The following EBF4 variants were observed in gnomAD, a reference collection of about 807,000 sequenced individuals.
EBF4 encodes the protein EBF transcription factor 4, also known as transcription factor COE4.
A neutral mutation model predicts 67.1 loss-of-function variants in EBF4; 34 were observed. The observed-to-expected ratio is 0.51, with a 90% CI of 0.39 to 0.67. EBF4 has a LOEUF of 0.67. Among genes scored for constraint, EBF4 ranks in the 30% least tolerant of loss-of-function variants. The pLI is 0.00. For missense variants in EBF4, 837 were observed against 873.3 expected, an observed-to-expected ratio of 0.96 and a Z score of 0.52; for synonymous variants, 387 against 377.7, an observed-to-expected ratio of 1.02 and a Z score of -0.29.
At chr20:2,723,786 T>G (rs1459127724) in intron 6 of EBF4, among the ~76,000 whole-genome samples, 1 of 147,740 alleles carries the variant, frequency 6.8e-6, no homozygotes, top group Non-Finnish European at 1.5e-5. Context: ...AATAAAAATT[T>G]TATATCTTTA....
intron 6 of EBF4, among the ~76,000 whole-genome samples, chr20:2,736,994 A>G (rs1279877313): frequency 2.6e-5 from 4 of 152,218 alleles, no homozygotes; most frequent in East Asian, 3.9e-4. Flanking sequence ...TCACGCTTGT[A>G]ATCCCAGCAC....
intron 6 of EBF4, among the ~76,000 whole-genome samples, chr20:2,713,706 A>T (rs915310301): frequency 1.3e-5 from 2 of 152,180 alleles, no homozygotes; most frequent in Non-Finnish European, 2.9e-5. Flanking sequence ...TTTATTTTTT[A>T]AAAATGGAAG....
chr20:2,713,811 G>T (rs943961913), intron 6 of EBF4, among the ~76,000 whole-genome samples: 1 of 152,168 alleles, frequency 6.6e-6, no homozygotes, highest in Non-Finnish European at 1.5e-5. Context: ...TGAGACAGGG[G>T]TTGAACTGGA....
At chr20:2,700,163 C>T (rs945921769) in intron 1 of EBF4, among the ~76,000 whole-genome samples, 1 of 152,178 alleles carries the variant, frequency 6.6e-6, no homozygotes, top group Admixed American at 6.5e-5. Flanking sequence ...TCCAGAGTTC[C>T]CCGTGGGATG....
In EBF4 at chr20:2,696,489, TAAATA is replaced by T. The variant is rs537313122; in HGVS notation, c.137+2725_137+2729del. On this transcript the variant is annotated intron_variant, in intron 1 of 16. Coordinates refer to ENST00000609451, the Ensembl canonical transcript of EBF4. This position sits in a 1 kb window ranked among gnomAD's most constrained non-coding sequence, Gnocchi z 4.7. ...TGTGCCTCAAAAATAAATAAGTAAATAAATAAAATAAAATAAAATAAAGTGACCAA... is the reference window on the plus strand; with the variant it reads ...TGTGCCTCAAAAATAAATAAGTAAATAAATAAAATAAAATAAAGTGACCAA... 2.0e-3 allele frequency among the ~76,000 whole-genome samples: 306 copies of T among 151,778 alleles called. 5 individuals carry two copies. In the South Asian group the frequency reaches 0.02, roughly 10 times the overall value.
intron 13 of EBF4, 42 bp downstream of exon 13, chr20:2,752,305 C>T (rs149223102): frequency 0.24 from 293,307 of 1,203,254 alleles, 36,226 homozygotes; most frequent in East Asian, 0.35. Flanking sequence ...GGCGCCGCCA[C>T]CGCCCCTCCC....
chr20:2,737,289 A>G (rs1452807602), intron 6 of EBF4, among the ~76,000 whole-genome samples: 6 of 151,086 alleles, frequency 4.0e-5, no homozygotes, highest in East Asian at 1.9e-4. Flanking sequence ...GATTGGGGGA[A>G]GAGGGGGACC....
At chr20:2,748,459 T>G in intron 6 of EBF4, 90 bp from the exon 7 acceptor site, 7 of 1,280,738 alleles carry the variant, frequency 5.5e-6, no homozygotes, top group Non-Finnish European at 7.7e-6. Flanking sequence ...GGACTCATCC[T>G]GTGGGGAGGG....
chr20:2,755,834 C>T lies in EBF4; in HGVS notation c.1738+10C>T. Reference sequence around the variant, plus strand: ...GGAGAGGGGCTTCCAGGTGAGTGATCCACCCTGCCTCACTGTGGCAGGAAG... The same window carrying T: ...GGAGAGGGGCTTCCAGGTGAGTGATTCACCCTGCCTCACTGTGGCAGGAAG... On this transcript the variant is annotated intron_variant, in intron 15 of 16. Transcript: ENST00000609451. The surrounding 1 kb of genome is among the most constrained non-coding windows in gnomAD (Gnocchi z 4.7). 1 of 1,544,438 alleles carries T rather than the reference C, an allele frequency of 6.5e-7. No homozygotes were observed. The highest frequency in any genetic ancestry group is 8.7e-7 in the Non-Finnish European group (1 of 1,146,218).
chr20:2,714,840 C>T (rs1243776911), intron 6 of EBF4, among the ~76,000 whole-genome samples: 1 of 152,040 alleles, frequency 6.6e-6, no homozygotes, highest in Non-Finnish European at 1.5e-5. Flanking sequence ...TTAGAAAGGC[C>T]TTTATCACTC....
At chr20:2,708,220 A>G (rs1344951990) in intron 5 of EBF4, among the ~76,000 whole-genome samples, 200 bp downstream of exon 5, 1 of 152,190 alleles carries the variant, frequency 6.6e-6, no homozygotes, top group East Asian at 1.9e-4. Flanking sequence ...TTGAGGCCCC[A>G]TTAGCCTGGC....
intron 4 of EBF4, among the ~76,000 whole-genome samples, chr20:2,706,644 C>T (rs1600206110): frequency 1.3e-5 from 2 of 152,246 alleles, no homozygotes; most frequent in South Asian, 2.1e-4. Context: ...AGTGTCCCCC[C>T]TCGAAGCAAG....
At chr20:2,724,477 G>A (rs2087723632) in intron 6 of EBF4, among the ~76,000 whole-genome samples, 1 of 152,048 alleles carries the variant, frequency 6.6e-6, no homozygotes, top group South Asian at 2.1e-4. Context: ...AAGATTGGCT[G>A]GTAATAAATT....
chr20:2,724,594 T>A (rs2087725114), intron 6 of EBF4, among the ~76,000 whole-genome samples: 1 of 152,208 alleles, frequency 6.6e-6, no homozygotes, highest in South Asian at 2.1e-4. Context: ...TTGAATATAT[T>A]TCCATTTTTG....
In EBF4 at chr20:2,759,026, C is replaced by G. The variant is rs543520351; in HGVS notation, c.*5+42C>G. ...GTCTGGCCTCCCCCGCCCCACCTGGCCCTGAGATGTGCTTGCTCTCTAAAG... is the reference window on the plus strand; with the variant it reads ...GTCTGGCCTCCCCCGCCCCACCTGGGCCTGAGATGTGCTTGCTCTCTAAAG... On this transcript the variant is annotated intron_variant, in intron 16 of 16. Transcript: ENST00000609451. The G allele has an allele frequency of 3.9e-5, 60 of 1,522,718 alleles. No homozygotes were observed. The South Asian group carries it at 6.0e-4, about 15-fold the overall frequency. The allele number at this position is 1,522,718 out of a possible 1,614,324, so 94.3% of individuals were successfully genotyped here.
intron 8 of EBF4, 30 bp downstream of exon 8, chr20:2,749,548 C>T: frequency 2.0e-6 from 3 of 1,538,034 alleles, no homozygotes; most frequent in African/African-American, 2.8e-5. Context: ...CCCCGGCCGC[C>T]GCGGGCCCAG....
chr20:2,713,212 A>G (rs1194545445), intron 6 of EBF4, among the ~76,000 whole-genome samples: 1 of 152,206 alleles, frequency 6.6e-6, no homozygotes, highest in Non-Finnish European at 1.5e-5. Flanking sequence ...AATATCCTTC[A>G]GGTGGCAAAA....
chr20:2,729,879 C>T (rs991876813), intron 6 of EBF4, among the ~76,000 whole-genome samples: 3 of 152,184 alleles, frequency 2.0e-5, no homozygotes, highest in African/African-American at 7.2e-5. Flanking sequence ...CAGGAGGAGG[C>T]AGGCAGCAGA....
intron 10 of EBF4, among the ~76,000 whole-genome samples, chr20:2,750,201 C>A (rs2088121178): frequency 6.6e-6 from 1 of 152,086 alleles, no homozygotes; most frequent in Non-Finnish European, 1.5e-5. Context: ...GCTCCTTAGT[C>A]CCTTCCCCGG....
Sources: gnomAD v4.1 joint callset for allele counts (sites outside exome capture counted in the v4.1 genomes callset) on GRCh38, gnomAD v4.1.1 for gene constraint, Gnocchi (gnomAD v3.1) non-coding constraint, MANE v1.5 for transcripts, NCBI Gene and HGNC (gene_info 2026-07-23, HGNC 2026-07-21) for gene names.